The following GRM4 variants were observed in gnomAD, a reference collection of about 807,000 sequenced individuals.
The protein encoded by GRM4 is metabotropic glutamate receptor 4.
GRM4 carries 28 observed loss-of-function variants against 81.7 expected under a neutral mutation model. The ratio of observed to expected loss-of-function variants is 0.34; its 90% CI spans 0.25 to 0.47. The LOEUF is 0.47. Among genes scored for constraint, GRM4 ranks in the 20% least tolerant of loss-of-function variants. GRM4 has a pLI of 1.00. For synonymous variants in GRM4, 488 were observed against 528.8 expected (o/e 0.92, Z 1.06); for missense variants, 948 against 1,290.0 (o/e 0.73, Z 4.06).
Position 34,111,291 on chromosome 6 carries a change from G to A in GRM4, c.520-19192C>T, listed in dbSNP as rs1158252524. Among the ~76,000 whole-genome samples, 1 of 151,804 alleles carries A rather than the reference G, an allele frequency of 6.6e-6. No homozygotes were observed. Among genetic ancestry groups the A allele is most frequent in the Non-Finnish European group, 1.5e-5 (1 of 67,982 alleles). ...TTCAAGAGCAGCAGCTCACACAGGT[G>A]TGCCCACACACATATGAGGAGCCAC... On this transcript the variant is annotated intron_variant, in intron 2 of 10. Transcript: ENST00000538487. This position sits in a 1 kb window ranked among gnomAD's most constrained non-coding sequence, Gnocchi z 5.1.
intron 3 of GRM4, among the ~76,000 whole-genome samples, chr6:34,081,372 T>C (rs1227118880): frequency 6.6e-6 from 1 of 151,788 alleles, no homozygotes; most frequent in Non-Finnish European, 1.5e-5. Context: ...ACACAAGGAG[T>C]CTCAGGGGTC....
At position 34,155,067 on chromosome 6, in the gene GRM4, C is replaced by T. The variant is rs548768581; in HGVS notation, c.312+12G>A. Reference sequence around the variant, plus strand: ...CCGGGGACACGCCCGGATTGAGAGGCTTGTTTTTCACCTGAGCAGATTCCG... The same window carrying T: ...CCGGGGACACGCCCGGATTGAGAGGTTTGTTTTTCACCTGAGCAGATTCCG... On this transcript the variant is annotated intron_variant, in intron 1 of 8. Coordinates refer to the GRM4 transcript ENST00000374177. 8.0e-5 allele frequency: 120 copies of T among 1,496,380 alleles called. 3 individuals are homozygous for T. The highest frequency in any genetic ancestry group is 4.1e-4 in the South Asian group (32 of 78,614). The allele number at this position is 1,496,380 out of a possible 1,614,324, so 92.7% of individuals were successfully genotyped here. A position where few individuals can be genotyped will look rare whatever the true frequency, so the allele number is the denominator to read the frequency against.
At chr6:34,027,391 C>T (rs1222349592) in intron 10 of GRM4, among the ~76,000 whole-genome samples, 1 of 152,174 alleles carries the variant, frequency 6.6e-6, no homozygotes, top group African/African-American at 2.4e-5. Flanking sequence ...CCTCAGCTGC[C>T]GAGGTCCCTG....
chr6:34,037,861 C>CAA (rs34369343), intron 8 of GRM4, among the ~76,000 whole-genome samples: 3,043 of 115,994 alleles, frequency 0.026, 54 homozygotes, highest in Middle Eastern at 0.032. Flanking sequence ...GATTCCGTCT[C>CAA]AAAAAAAAAA....
intron 1 of GRM4, among the ~76,000 whole-genome samples, chr6:34,143,327 G>C (rs1405239345): frequency 6.6e-6 from 1 of 151,950 alleles, no homozygotes; most frequent in Non-Finnish European, 1.5e-5. Flanking sequence ...GACAGGATCT[G>C]ACTAAGGGCT....
At chr6:34,126,399 C>T (rs368463388) in intron 2 of GRM4, among the ~76,000 whole-genome samples, 7 of 152,124 alleles carry the variant, frequency 4.6e-5, no homozygotes, top group African/African-American at 1.7e-4. Flanking sequence ...TAGAGAGGGT[C>T]CCTCGTTCAG....
rs1768260949 is a variant in GRM4 at position 34,092,088 on chromosome 6, G to A, written c.531C>T (p.Ile177=). 6.2e-7 allele frequency: 1 copy of A among 1,601,338 alleles called. No homozygotes were observed. Among genetic ancestry groups the A allele is most frequent in the South Asian group, 1.1e-5 (1 of 90,578 alleles). The stretch of plus-strand genomic sequence containing the variant: ...GGTCTGGCGCTGTGGAGGCGTAGCT[G>A]ATCTGGGGTATCTGAGGGGCGAGAG... ...NILRLFKIPQ[I]SYASTAPDLS... Residue 177 remains isoleucine (I), a synonymous_variant, in exon 3 of 11, where the codon ATC becomes ATT. Coordinates refer to ENST00000538487, the MANE Select transcript of GRM4 (RefSeq NM_000841.4). The surrounding 1 kb of genome is among the most constrained non-coding windows in gnomAD (Gnocchi z 6.8).
At chr6:34,082,064 GC>G (rs1767628206) in intron 3 of GRM4, among the ~76,000 whole-genome samples, 1 of 30,130 alleles carries the variant, frequency 3.3e-5, no homozygotes, top group Admixed American at 2.5e-4. Flanking sequence ...ATGGGAGCCT[GC>G]GGGACAGATC....
chr6:34,083,452 A>G (rs1009976906), intron 3 of GRM4, among the ~76,000 whole-genome samples: 1 of 152,096 alleles, frequency 6.6e-6, no homozygotes, highest in Non-Finnish European at 1.5e-5. Context: ...TGGCAAGGAG[A>G]CCCAGCTGGC....
chr6:34,070,276 G>C lies in GRM4; in HGVS notation c.737-8248C>G, dbSNP rs1317178585. On this transcript the variant is annotated intron_variant, in intron 3 of 10. Transcript: ENST00000538487. The surrounding 1 kb of genome is among the most constrained non-coding windows in gnomAD (Gnocchi z 4.6). ...CTGTGCTCAGCGTCCACACGCGTGG[G>C]GTGGGTACCCACGTGCACCTGGACG... Among the ~76,000 whole-genome samples the C allele has an allele frequency of 6.6e-6, 1 of 152,042 alleles. No homozygotes were observed. The highest frequency in any genetic ancestry group is 1.9e-4 in the East Asian group (1 of 5,174).
In GRM4 at chr6:34,092,889, A is replaced by T. The variant is rs1768316310; in HGVS notation, c.520-790T>A. Among the ~76,000 whole-genome samples the T allele has an allele frequency of 2.0e-5, 3 of 151,594 alleles. No homozygotes were observed. The South Asian group carries it at 6.3e-4, about 32-fold the overall frequency. On this transcript the variant is annotated intron_variant, in intron 2 of 10. Coordinates refer to ENST00000538487, the MANE Select transcript of GRM4 (RefSeq NM_000841.4). The surrounding 1 kb of genome is among the most constrained non-coding windows in gnomAD (Gnocchi z 6.8). The stretch of plus-strand genomic sequence containing the variant: ...CAGACCCCCTGCCTCCTGTAGATAC[A>T]CCCAACCATCCCCAGGACAGGGAAG...
At chr6:34,038,687 C>CA (rs201344529) in intron 8 of GRM4, among the ~76,000 whole-genome samples, 42 of 152,082 alleles carry the variant, frequency 2.8e-4, no homozygotes, top group Non-Finnish European at 4.9e-4. Context: ...CTCACCTCCC[C>CA]CCACCACCTC....
At position 34,114,501 on chromosome 6, in the gene GRM4, A is replaced by C. The variant is rs548162231; in HGVS notation, c.519+18477T>G. Among the ~76,000 whole-genome samples, 1 of 152,016 alleles carries C rather than the reference A, an allele frequency of 6.6e-6. No homozygotes were observed. The highest frequency in any genetic ancestry group is 6.6e-5 in the Admixed American group (1 of 15,262). On this transcript the variant is annotated intron_variant, in intron 2 of 10. Coordinates refer to ENST00000538487, the MANE Select transcript of GRM4 (RefSeq NM_000841.4). This position sits in a 1 kb window ranked among gnomAD's most constrained non-coding sequence, Gnocchi z 4.3. Reference sequence around the variant, plus strand: ...CCAAAGGAATACTTTTAACTCCCAAATCCAAGCAGGCACCATCCTGCAGGA... The same window carrying C: ...CCAAAGGAATACTTTTAACTCCCAACTCCAAGCAGGCACCATCCTGCAGGA...
chr6:34,129,348 T>G (rs371819844), intron 2 of GRM4, among the ~76,000 whole-genome samples: 6 of 152,086 alleles, frequency 3.9e-5, no homozygotes, highest in South Asian at 2.1e-4. Context: ...CACAGTATGG[T>G]GTAAATAACT....
intron 10 of GRM4, among the ~76,000 whole-genome samples, chr6:34,027,814 C>T (rs945531055): frequency 6.6e-6 from 1 of 152,234 alleles, no homozygotes; most frequent in Non-Finnish European, 1.5e-5. Flanking sequence ...CCCTGGTGGC[C>T]TGCCTCGGGG....
chr6:34,088,822 C>A (rs1469982889), intron 3 of GRM4, among the ~76,000 whole-genome samples: 1 of 152,238 alleles, frequency 6.6e-6, no homozygotes, highest in Non-Finnish European at 1.5e-5. Flanking sequence ...CTGGCCCAGG[C>A]AGGGCTCAGT....
rs192750181 is a variant in GRM4 at position 34,058,981 on chromosome 6, G to A, written c.1020C>T (p.Ser340=). The A allele has an allele frequency of 1.2e-5, 20 of 1,612,300 alleles. No homozygotes were observed. Among genetic ancestry groups the A allele is most frequent in the East Asian group, 2.2e-5 (1 of 44,876 alleles). The change falls in exon 5 of 11, where the codon TCC becomes TCT. Residue 340 remains serine, a synonymous_variant. Coordinates refer to ENST00000538487, the MANE Select transcript of GRM4 (RefSeq NM_000841.4). Reference sequence around the variant, plus strand: ...GCACCCGCCCAGCCTTACCTCGTACGGACATCCTCTTGGGGAGGATCGTGA... The same window carrying A: ...GCACCCGCCCAGCCTTACCTCGTACAGACATCCTCTTGGGGAGGATCGTGA... ...GAVTILPKRM[S]VRGFDRYFSS... is the part of the protein sequence containing the mutation.
At chr6:34,044,970 A>G (rs1443617356) in intron 6 of GRM4, among the ~76,000 whole-genome samples, 1 of 151,992 alleles carries the variant, frequency 6.6e-6, no homozygotes, top group East Asian at 1.9e-4. Context: ...ATATACACAT[A>G]CACGCACACA....
At chr6:34,062,097 T>A (rs974490554) in intron 3 of GRM4, 69 bp from the exon 4 acceptor site, 26 of 1,523,744 alleles carry the variant, frequency 1.7e-5, no homozygotes, top group Middle Eastern at 3.5e-4. Context: ...TCTCCCAACA[T>A]ACACTCCGGG....
Sources: allele counts gnomAD v4.1 joint callset (sites outside exome capture counted in the v4.1 genomes callset), GRCh38; gene constraint gnomAD v4.1.1; non-coding constraint Gnocchi (gnomAD v3.1); transcripts MANE v1.5; gene names NCBI Gene and HGNC (gene_info 2026-07-23, HGNC 2026-07-21).